Variants in ZNF528 observed in about 807,000 individuals in gnomAD.
ZNF528 encodes zinc finger protein 528.
A neutral mutation model predicts 13.3 loss-of-function variants in ZNF528; 9 were observed. That is an observed-to-expected ratio of 0.67 (90% confidence interval 0.41 to 1.18). ZNF528 has a LOEUF of 1.18. Ranked by LOEUF, ZNF528 falls within the 50% of genes most tolerant of loss-of-function variation. The pLI is 0.01. For missense variants in ZNF528, 858 were observed against 745.4 expected (o/e 1.15, Z -1.76); for synonymous variants, 264 against 254.3 (o/e 1.04, Z -0.36).
intron 6 of ZNF528, chr19:52,412,512 T>G (rs1169735172): frequency 6.6e-6 from 1 of 152,232 alleles, no homozygotes; most frequent in Non-Finnish European, 1.5e-5. Flanking sequence ...TCAATGTTTC[T>G]CTTGGGACCC....
chr19:52,406,753 C>T (rs1402880520), intron 6 of ZNF528, 110 bp downstream of exon 6: 6 of 1,364,498 alleles, frequency 4.4e-6, no homozygotes, highest in Non-Finnish European at 5.8e-6. Flanking sequence ...CTCACTGCAG[C>T]CTTGAATTCC....
chr19:52,412,713 G>C (rs35077437), intron 6 of ZNF528: 1 of 2,278 alleles, frequency 4.4e-4, no homozygotes, highest in East Asian at 4.4e-3. Flanking sequence ...CTGGGTGTTG[G>C]GGGGGGGCAC....
intron 6 of ZNF528, among the ~76,000 whole-genome samples, chr19:52,407,165 T>A (rs2122544279): frequency 6.6e-6 from 1 of 150,940 alleles, no homozygotes; most frequent in South Asian, 2.1e-4. Flanking sequence ...AGGCTAGTGT[T>A]GAACTCCTGG....
intron 6 of ZNF528, chr19:52,414,868 T>G: frequency 7.6e-7 from 1 of 1,311,372 alleles, no homozygotes; most frequent in Non-Finnish European, 1.0e-6. Context: ...CCCAGAAGTT[T>G]TCAGTCTCTG....
intron 4 of ZNF528, among the ~76,000 whole-genome samples, chr19:52,404,491 A>G (rs2058831650): frequency 6.6e-6 from 1 of 152,072 alleles, no homozygotes; most frequent in African/African-American, 2.4e-5. Context: ...TCCTCCAGTT[A>G]GTTCATGTAA....
chr19:52,410,379 C>T (rs927691481), intron 6 of ZNF528, among the ~76,000 whole-genome samples: 1 of 152,152 alleles, frequency 6.6e-6, no homozygotes, highest in Non-Finnish European at 1.5e-5. Flanking sequence ...GCTTGATTTA[C>T]AGCAGGCTTG....
chr19:52,400,117 C>A (rs572103846), intron 2 of ZNF528, among the ~76,000 whole-genome samples: 67 of 151,992 alleles, frequency 4.4e-4, no homozygotes, highest in African/African-American at 1.6e-3. Context: ...CAGGCCAGCC[C>A]CATTCACTCT....
At chr19:52,402,251 G>A (rs1208529245) in intron 4 of ZNF528, among the ~76,000 whole-genome samples, 1 of 152,106 alleles carries the variant, frequency 6.6e-6, no homozygotes, top group Non-Finnish European at 1.5e-5. Context: ...CCGGGGGAGG[G>A]CTCTCAGCAG....
At chr19:52,415,003 C>T (rs775650080) in intron 6 of ZNF528, 121 bp from the exon 7 acceptor site, 19 of 1,555,128 alleles carry the variant, frequency 1.2e-5, no homozygotes, top group African/African-American at 1.4e-5. Flanking sequence ...GCATGATACA[C>T]ACAATACCCT....
In ZNF528 at chr19:52,415,124, A is replaced by G. The variant is rs750248296; in HGVS notation, c.272A>G (p.Glu91Gly). ...GRECIKGVNT[E>G]RSSKLGSNAG... ...TTCCACTTTTTTCTTTCTGTTTTAG[A>G]GAGGAGCTCTAAATTGGGAAGTAAT... is the stretch of plus-strand genomic sequence containing the variant. Residue 91 changes from glutamate (E) to glycine (G), a missense_variant and splice_region_variant, in exon 7 of 7, where the codon GAG (glutamate) becomes GGG (glycine). Transcript: ENST00000360465. 8.1e-6 allele frequency: 13 copies of G among 1,609,686 alleles called. No individual in the cohort carries two copies. The highest frequency in any genetic ancestry group is 1.0e-5 in the Non-Finnish European group (12 of 1,177,786).
intron 6 of ZNF528, 145 bp downstream of exon 6, chr19:52,406,788 C>T (rs527767003): frequency 6.5e-5 from 73 of 1,124,448 alleles, no homozygotes; most frequent in African/African-American, 6.3e-4. Context: ...CTCCCTGGCT[C>T]GCTCTTCCAA....
Position 52,415,176 on chromosome 19 carries a change from A to G in ZNF528, c.324A>G (p.Gln108=). 2 of 1,611,116 alleles carry G rather than the reference A, an allele frequency of 1.2e-6. No individual in the cohort carries two copies. The highest frequency in any genetic ancestry group is 8.5e-7 in the Non-Finnish European group (1 of 1,178,684). ...CAGGAAACAAGCCTTGTAAAAATCA[A>G]CTTGGATTCACTTTTCAGTTACATC... The part of the protein sequence containing the change: ...SNAGNKPCKN[Q]LGFTFQLHLS... Residue 108 remains glutamine (Q), a synonymous_variant, in exon 7 of 7, where the codon CAA becomes CAG. Transcript: ENST00000360465.
intron 2 of ZNF528, among the ~76,000 whole-genome samples, chr19:52,401,102 A>C (rs2058788248): frequency 6.6e-6 from 1 of 151,966 alleles, no homozygotes; most frequent in Non-Finnish European, 1.5e-5. Context: ...CTATGGTTTT[A>C]AACACCACCA....
At position 52,415,130 on chromosome 19, in the gene ZNF528, G is replaced by A. The variant is rs1334072593; in HGVS notation, c.278G>A (p.Ser93Asn). The change falls in exon 7 of 7, where the codon AGC becomes AAC. Residue 93 changes from serine to asparagine, a missense_variant. Coordinates refer to ENST00000360465, the MANE Select transcript of ZNF528 (RefSeq NM_032423.3). Reference sequence around the variant, plus strand: ...TTTTTTCTTTCTGTTTTAGAGAGGAGCTCTAAATTGGGAAGTAATGCAGGA... The same window carrying A: ...TTTTTTCTTTCTGTTTTAGAGAGGAACTCTAAATTGGGAAGTAATGCAGGA... Reference protein sequence around the residue: ...ECIKGVNTERSSKLGSNAGNK... With the variant: ...ECIKGVNTERNSKLGSNAGNK... 1.2e-6 allele frequency: 2 copies of A among 1,608,748 alleles called. No individual in the cohort carries two copies. The highest frequency in any genetic ancestry group is 1.7e-6 in the Non-Finnish European group (2 of 1,177,268).
intron 4 of ZNF528, among the ~76,000 whole-genome samples, chr19:52,403,434 G>T (rs1033904582): frequency 6.6e-6 from 1 of 152,058 alleles, no homozygotes. Flanking sequence ...GGGCCAAGGC[G>T]GGCAGATGAG....
rs1394209294 is a variant in ZNF528, at chr19:52,417,630, T to C, written c.*891T>C. On this transcript the variant is annotated 3_prime_UTR_variant, in exon 7 of 7. Transcript: ENST00000360465. ...ACTGATGAGAAGTAGACTTTTTTTT[T>C]TTTGGAGATAGAGTCTCACTCTGTT... 6.6e-6 allele frequency: 1 copy of C among 152,426 alleles called. No individual in the cohort carries two copies. Among genetic ancestry groups the C allele is most frequent in the African/African-American group, 2.4e-5 (1 of 41,442 alleles). The allele number at this position is 152,426 out of a possible 1,614,324, so 9.4% of individuals were successfully genotyped here.
chr19:52,399,798 G>C (rs2122499248), intron 2 of ZNF528, among the ~76,000 whole-genome samples: 1 of 152,248 alleles, frequency 6.6e-6, no homozygotes, highest in African/African-American at 2.4e-5. Flanking sequence ...GGTCACCAAA[G>C]TAATATGGGA....
At chr19:52,398,999 G>A (rs1237772582) in intron 2 of ZNF528, among the ~76,000 whole-genome samples, 2 of 152,024 alleles carry the variant, frequency 1.3e-5, no homozygotes, top group Admixed American at 1.3e-4. Context: ...ATGGAGATTA[G>A]GGACAATGAA....
chr19:52,406,370 C>A, intron 5 of ZNF528, 145 bp from the exon 6 acceptor site: 1 of 1,264,374 alleles, frequency 7.9e-7, no homozygotes, highest in Non-Finnish European at 1.1e-6. Context: ...ACAATGTTCC[C>A]TAAGCATTCA....
Sources: gnomAD v4.1 joint callset for allele counts (sites outside exome capture counted in the v4.1 genomes callset) on GRCh38, gnomAD v4.1.1 for gene constraint, MANE v1.5 for transcripts, NCBI Gene and HGNC (gene_info 2026-07-23, HGNC 2026-07-21) for gene names.